Variants in FAM135A observed in about 807,000 individuals in gnomAD.
FAM135A encodes protein FAM135A.
A neutral mutation model predicts 146.8 loss-of-function variants in FAM135A; 79 were observed. The observed-to-expected ratio is 0.54, with a 90% CI of 0.45 to 0.65. FAM135A has a LOEUF of 0.65. Among genes scored for constraint, FAM135A ranks in the 30% least tolerant of loss-of-function variants. The pLI is 0.00. For synonymous variants in FAM135A, 562 were observed against 603.6 expected, an observed-to-expected ratio of 0.93 and a Z score of 1.01; for missense variants, 1,623 against 1,758.2, an observed-to-expected ratio of 0.92 and a Z score of 1.38.
chr6:70,516,530 CTTTTTTTTTTTT>C (rs1174927909), intron 12 of FAM135A, among the ~76,000 whole-genome samples: 1 of 84,958 alleles, frequency 1.2e-5, no homozygotes, highest in Non-Finnish European at 2.2e-5. Flanking sequence ...ATTTTCTTTT[CTTTTTTTTTTTT>C]TTTTTTTTTT....
intron 20 of FAM135A, among the ~76,000 whole-genome samples, chr6:70,553,421 A>G (rs1195265507): frequency 3.9e-5 from 6 of 152,204 alleles, no homozygotes; most frequent in Admixed American, 3.3e-4. Context: ...GACTGCCTCA[A>G]CTTGATAAGT....
intron 4 of FAM135A, among the ~76,000 whole-genome samples, chr6:70,450,441 G>T (rs1370593240): frequency 3.3e-5 from 5 of 152,022 alleles, no homozygotes; most frequent in African/African-American, 9.7e-5. Flanking sequence ...AGTTGATTTT[G>T]TATATGGTAT....
At chr6:70,486,920 T>G (rs1340950522) in intron 10 of FAM135A, among the ~76,000 whole-genome samples, 1 of 149,788 alleles carries the variant, frequency 6.7e-6, no homozygotes, top group African/African-American at 2.5e-5. Flanking sequence ...AAAGTGAAAC[T>G]CTGCCTCAAA....
intron 12 of FAM135A, among the ~76,000 whole-genome samples, chr6:70,516,581 G>A (rs1258835923): frequency 1.4e-5 from 2 of 139,072 alleles, no homozygotes; most frequent in Admixed American, 1.5e-4. Context: ...TGTCACCCAG[G>A]CTGGAGTGCA....
Position 70,526,624 on chromosome 6 carries a change from G to A in FAM135A, c.3540G>A (p.Gln1180=). Residue 1180 remains glutamine, a synonymous_variant, in exon 15 of 22, where the codon CAG becomes CAA. Transcript: ENST00000418814. ...GTAAATTTGATGCCATTACAAAGCA[G>A]CCAAGCAGTACTTCTTACAACTTCA... ...SKSKFDAITK[Q]PSSTSYNFTS... 6.2e-7 allele frequency: 1 copy of A among 1,613,050 alleles called. No individual in the cohort carries two copies. The highest frequency in any genetic ancestry group is 1.1e-5 in the South Asian group (1 of 90,914).
intron 4 of FAM135A, among the ~76,000 whole-genome samples, chr6:70,430,641 A>G (rs1421444880): frequency 6.6e-6 from 1 of 152,228 alleles, no homozygotes; most frequent in Non-Finnish European, 1.5e-5. Flanking sequence ...CATGCCCATC[A>G]ACTTTCTAAA....
At chr6:70,502,200 A>G (rs182939612) in intron 11 of FAM135A, among the ~76,000 whole-genome samples, 1 of 152,338 alleles carries the variant, frequency 6.6e-6, no homozygotes, top group Admixed American at 6.5e-5. Context: ...AAGGAGTCAT[A>G]GATATTTTAA....
At chr6:70,427,489 G>T (rs550923603) in intron 3 of FAM135A, among the ~76,000 whole-genome samples, 1 of 149,030 alleles carries the variant, frequency 6.7e-6, no homozygotes, top group South Asian at 2.1e-4. Flanking sequence ...CCGAGAGCGC[G>T]CCACTGCACT....
intron 12 of FAM135A, among the ~76,000 whole-genome samples, chr6:70,511,594 C>T (rs888540943): frequency 3.3e-5 from 5 of 151,784 alleles, no homozygotes; most frequent in Admixed American, 2.6e-4. Context: ...TGAGAGTCCT[C>T]AGAGAGGCCA....
chr6:70,473,296 T>A (rs762612649), intron 5 of FAM135A, among the ~76,000 whole-genome samples: 4 of 152,204 alleles, frequency 2.6e-5, no homozygotes, highest in Non-Finnish European at 4.4e-5. Context: ...CTGTGGATCC[T>A]TTTAGTGGAG....
intron 5 of FAM135A, among the ~76,000 whole-genome samples, chr6:70,459,901 G>A (rs931646785): frequency 1.3e-5 from 2 of 152,056 alleles, no homozygotes; most frequent in African/African-American, 4.8e-5. Flanking sequence ...CGTGGTGGCG[G>A]GTGCCTGTAA....
At chr6:70,558,244 T>A (rs1470870507) in intron 21 of FAM135A, among the ~76,000 whole-genome samples, 1 of 152,184 alleles carries the variant, frequency 6.6e-6, no homozygotes, top group East Asian at 1.9e-4. Context: ...AACACCTCTC[T>A]TTTCTATATC....
intron 16 of FAM135A, among the ~76,000 whole-genome samples, chr6:70,532,013 G>T (rs1474000495): frequency 1.3e-5 from 2 of 149,418 alleles, no homozygotes; most frequent in African/African-American, 2.5e-5. Context: ...TTCCCGAGTA[G>T]CTGGGATTAC....
intron 4 of FAM135A, among the ~76,000 whole-genome samples, chr6:70,433,369 C>T (rs750802552): frequency 2.0e-4 from 30 of 152,238 alleles, no homozygotes; most frequent in Admixed American, 6.5e-4. Context: ...CCACCGCGCC[C>T]GGCCTTCAAG....
intron 9 of FAM135A, 127 bp from the exon 10 acceptor site, chr6:70,481,873 AT>A (rs141045723): frequency 0.019 from 16,898 of 882,882 alleles, 724 homozygotes; most frequent in African/African-American, 0.11. Flanking sequence ...ATATTACCAC[AT>A]TTTTTATATG....
rs1193385245 is a variant in FAM135A at position 70,524,415 on chromosome 6, C to A, written c.1331C>A (p.Thr444Asn). The A allele has an allele frequency of 1.9e-5, 29 of 1,532,328 alleles. No individual in the cohort carries two copies. The highest frequency in any genetic ancestry group is 2.5e-5 in the Non-Finnish European group (28 of 1,142,092). The allele number at this position is 1,532,328 out of a possible 1,614,324, so 94.9% of individuals were successfully genotyped here. Residue 444 changes from threonine (T) to asparagine (N), a missense_variant, in exon 15 of 22, where the codon ACT (threonine) becomes AAT (asparagine). By Grantham distance (65) the Thr-to-Asn change is moderately conservative. Coordinates refer to ENST00000418814, the MANE Select transcript of FAM135A (RefSeq NM_001162529.3). Reference protein sequence around the residue: ...SESSKMDKYETEESSVAGLSS... With the variant: ...SESSKMDKYENEESSVAGLSS... ...TCCAGTAAAATGGATAAATATGAGA[C>A]TGAAGAAAGCTCTGTAGCAGGACTT...
At chr6:70,489,730 G>T (rs1166611103) in intron 10 of FAM135A, among the ~76,000 whole-genome samples, 2 of 152,148 alleles carry the variant, frequency 1.3e-5, no homozygotes, top group Non-Finnish European at 2.9e-5. Flanking sequence ...ATCCCCTTGG[G>T]CATACATGCT....
chr6:70,533,041 G>A (rs1208738270), intron 16 of FAM135A, 119 bp from the exon 17 acceptor site: 2 of 746,844 alleles, frequency 2.7e-6, no homozygotes, highest in Non-Finnish European at 2.3e-6. Context: ...ATTGTATATT[G>A]TCTGTTCACA....
chr6:70,541,940 T>G (rs1346598304), intron 20 of FAM135A, among the ~76,000 whole-genome samples: 1 of 152,230 alleles, frequency 6.6e-6, no homozygotes, highest in East Asian at 1.9e-4. Flanking sequence ...TAGTGGCTGA[T>G]GGATGCTTCT....
Sources: gnomAD v4.1 joint callset for allele counts (sites outside exome capture counted in the v4.1 genomes callset) on GRCh38, gnomAD v4.1.1 for gene constraint, MANE v1.5 for transcripts, NCBI Gene and HGNC (gene_info 2026-07-23, HGNC 2026-07-21) for gene names.